Variants in ZNG1B observed in about 807,000 individuals in gnomAD.
The protein encoded by ZNG1B is Zn regulated GTPase metalloprotein activator 1B.
At chr2:113,463,651 T>G in the ZNG1B span, among the ~76,000 whole-genome samples, 1 of 152,134 alleles carries the variant, frequency 6.6e-6, no homozygotes, top group African/African-American at 2.4e-5. Flanking sequence ...TAATCCTTGG[T>G]CTGTTTCTCA....
chr2:113,462,627 T>G, the ZNG1B span: 31 of 975,578 alleles, frequency 3.2e-5, no homozygotes, highest in Non-Finnish European at 4.4e-5. Flanking sequence ...GGGAATCACA[T>G]ATATTGTTGA....
the ZNG1B span, among the ~76,000 whole-genome samples, chr2:113,472,445 C>G: frequency 1.4e-4 from 21 of 151,830 alleles, 1 homozygote; most frequent in South Asian, 4.4e-3. Flanking sequence ...TGCCTGTTCA[C>G]TCTGATGGTA....
chr2:113,448,903 A>AAAAT, the ZNG1B span, among the ~76,000 whole-genome samples: 453 of 150,430 alleles, frequency 3.0e-3, 4 homozygotes, highest in African/African-American at 0.01. Context: ...ACTCCATCTC[A>AAAAT]AAATAAATAA....
the ZNG1B span, among the ~76,000 whole-genome samples, chr2:113,490,411 G>GCACA: frequency 1.5e-5 from 2 of 133,104 alleles, no homozygotes; most frequent in East Asian, 5.8e-4. Flanking sequence ...GTCGGAAAGA[G>GCACA]CACAATCTAC....
chr2:113,458,383 A>G, the ZNG1B span, among the ~76,000 whole-genome samples: 2 of 152,078 alleles, frequency 1.3e-5, no homozygotes, highest in African/African-American at 4.8e-5. Context: ...TGGCTTTCCT[A>G]TGGGCATAGA....
At chr2:113,496,001 T>C in the ZNG1B span, 39 of 324,856 alleles carry the variant, frequency 1.2e-4, 7 homozygotes, top group Non-Finnish European at 1.8e-4. Flanking sequence ...AGTTTACATA[T>C]ACTGAACATG....
the ZNG1B span, among the ~76,000 whole-genome samples, chr2:113,455,993 C>T: frequency 6.6e-6 from 1 of 151,720 alleles, no homozygotes; most frequent in South Asian, 2.1e-4. Context: ...GCTGGGATTA[C>T]AGGCATGAGC....
the ZNG1B span, chr2:113,455,675 A>G: frequency 7.9e-7 from 1 of 1,272,046 alleles, no homozygotes. Flanking sequence ...TTCAGTGTTT[A>G]AAAATTAGTG....
At chr2:113,456,929 A>G in the ZNG1B span, 1 of 433,182 alleles carries the variant, frequency 2.3e-6, no homozygotes, top group Admixed American at 2.4e-5. Flanking sequence ...GAGCCAGCCC[A>G]TCACAAGTAA....
At chr2:113,445,895 TC>T in the ZNG1B span, among the ~76,000 whole-genome samples, 1 of 151,968 alleles carries the variant, frequency 6.6e-6, no homozygotes, top group Non-Finnish European at 1.5e-5. Context: ...GTCATAGTTG[TC>T]CAAAAGAAAT....
chr2:113,476,897 T>C, the ZNG1B span, among the ~76,000 whole-genome samples: 3 of 152,326 alleles, frequency 2.0e-5, no homozygotes, highest in South Asian at 2.1e-4. Flanking sequence ...AGCTGCGTGC[T>C]GGGGGAACCA....
At chr2:113,494,461 T>A in the ZNG1B span, 1 of 724,412 alleles carries the variant, frequency 1.4e-6, no homozygotes. Context: ...GCAGTGATTC[T>A]AAAGTGTATG....
At chr2:113,485,880 G>A in the ZNG1B span, among the ~76,000 whole-genome samples, 1,974 of 152,192 alleles carry the variant, frequency 0.013, 16 homozygotes, top group South Asian at 0.037. Flanking sequence ...ACCTGAGTAA[G>A]TTGTTCCTAA....
the ZNG1B span, chr2:113,455,522 A>C: frequency 2.7e-6 from 3 of 1,125,726 alleles, no homozygotes; most frequent in East Asian, 1.7e-4. Context: ...GTATGTTGTT[A>C]CATACAGTAA....
At chr2:113,474,911 A>G in the ZNG1B span, among the ~76,000 whole-genome samples, 1 of 149,648 alleles carries the variant, frequency 6.7e-6, no homozygotes, top group Non-Finnish European at 1.5e-5. Context: ...ACTTCCAAGT[A>G]TGTGGTCAAT....
chr2:113,466,331 TTA>T, the ZNG1B span: 1 of 757,918 alleles, frequency 1.3e-6, no homozygotes, highest in Admixed American at 6.8e-5. Context: ...ATATTCGTAT[TTA>T]TAAACATTTT....
At chr2:113,444,291 A>T in the ZNG1B span, 1 of 215,524 alleles carries the variant, frequency 4.6e-6, no homozygotes, top group Non-Finnish European at 9.4e-6. Context: ...TCTACCATAG[A>T]CCCTAGAAGA....
At chr2:113,472,177 T>C in the ZNG1B span, among the ~76,000 whole-genome samples, 1 of 151,366 alleles carries the variant, frequency 6.6e-6, no homozygotes, top group Non-Finnish European at 1.5e-5. Context: ...ATTGCCATTC[T>C]AACTGGTGTG....
the ZNG1B span, chr2:113,494,620 A>G: frequency 8.6e-6 from 8 of 924,940 alleles, 3 homozygotes; most frequent in African/African-American, 3.7e-5. Flanking sequence ...CTGCAAATCA[A>G]TACACAATGA....
Sources: allele counts gnomAD v4.1 joint callset (sites outside exome capture counted in the v4.1 genomes callset), GRCh38; gene constraint gnomAD v4.1.1; transcripts MANE v1.5; gene names NCBI Gene and HGNC (gene_info 2026-07-23, HGNC 2026-07-21).